The following TIPRL variants were observed in gnomAD, a reference collection of about 807,000 sequenced individuals.
The protein encoded by TIPRL is TOR signaling pathway regulator.
Under a neutral mutation model 32.3 loss-of-function variants are expected in TIPRL, and 10 were observed. That is an observed-to-expected ratio of 0.31 (90% CI 0.19 to 0.52). The LOEUF (loss-of-function observed/expected upper bound fraction) is 0.52. Among genes scored for constraint, TIPRL ranks in the 20% least tolerant of loss-of-function variants. The pLI is 0.96. For missense variants in TIPRL, 250 were observed against 328.1 expected (o/e 0.76, Z 1.84); for synonymous variants, 100 against 114.0 (o/e 0.88, Z 0.78).
At chr1:168,179,296 C>T (rs2102303088) in intron 1 of TIPRL, 115 bp downstream of exon 1, 1 of 799,358 alleles carries the variant, frequency 1.3e-6, no homozygotes, top group East Asian at 2.8e-5. Context: ...TTCGGTCCCT[C>T]CGGACCGGAC....
At chr1:168,190,538 C>T (rs760025288) in intron 3 of TIPRL, among the ~76,000 whole-genome samples, 3 of 152,274 alleles carry the variant, frequency 2.0e-5, no homozygotes, top group African/African-American at 2.4e-5. Flanking sequence ...CTAATCATGA[C>T]GCTTAAGTAA....
At position 168,201,300 on chromosome 1, in the gene TIPRL, T is replaced by C. The variant is rs1440865146; in HGVS notation, c.*1254T>C. On this transcript the variant is annotated 3_prime_UTR_variant, in exon 7 of 7. Coordinates refer to ENST00000367833, the MANE Select transcript of TIPRL (RefSeq NM_152902.5). ...TTGAAATATGTTGTACATATTTCCATTTGATGGATAAATCATTAAGTAAGA... is the reference window on the plus strand; with the variant it reads ...TTGAAATATGTTGTACATATTTCCACTTGATGGATAAATCATTAAGTAAGA... The C allele has an allele frequency of 2.0e-5, 3 of 152,220 alleles. No individual in the cohort carries two copies. In the East Asian group the frequency reaches 5.8e-4, roughly 29 times the overall value. 9.4% of individuals were successfully genotyped at this position (152,220 alleles called of 1,614,324 possible).
chr1:168,180,419 G>A (rs2102303761), intron 1 of TIPRL, among the ~76,000 whole-genome samples: 1 of 152,254 alleles, frequency 6.6e-6, no homozygotes, highest in East Asian at 1.9e-4. Flanking sequence ...GTGAAGATGT[G>A]TAGTAGGCAT....
At chr1:168,181,610 A>G (rs1401931250) in intron 1 of TIPRL, among the ~76,000 whole-genome samples, 3 of 151,306 alleles carry the variant, frequency 2.0e-5, no homozygotes, top group Non-Finnish European at 4.4e-5. Flanking sequence ...CCAACATAAT[A>G]CAATATATAA....
Position 168,184,890 on chromosome 1 carries a change from T to C in TIPRL, c.384+12T>C. ...CTCTTAAGTTAAAGGTAAATCTTAC[T>C]TTTTTCTTTCATGAGTCATTGATTG... On this transcript the variant is annotated intron_variant, in intron 3 of 6. Coordinates refer to ENST00000367833, the MANE Select transcript of TIPRL (RefSeq NM_152902.5). The C allele has an allele frequency of 1.9e-6, 3 of 1,548,502 alleles. No individual in the cohort carries two copies. Among genetic ancestry groups the C allele is most frequent in the South Asian group, 2.3e-5 (2 of 88,086 alleles).
chr1:168,191,646 C>A, intron 4 of TIPRL, 146 bp downstream of exon 4: 1 of 575,758 alleles, frequency 1.7e-6, no homozygotes, highest in Non-Finnish European at 2.6e-6. Context: ...CTGAGGCGGG[C>A]TGGATCGCCA....
Position 168,178,987 on chromosome 1 carries a change from G to A in TIPRL, c.-91G>A. Reference sequence around the variant, plus strand: ...ATGGTAACGGCTCGGAAGCCTAGGAGGCTGGGCCGGAGGGAGGCGGAGGAA... The same window carrying A: ...ATGGTAACGGCTCGGAAGCCTAGGAAGCTGGGCCGGAGGGAGGCGGAGGAA... On this transcript the variant is annotated 5_prime_UTR_variant, in exon 1 of 7. Transcript: ENST00000367833. The A allele has an allele frequency of 3.3e-6, 4 of 1,196,012 alleles. No homozygotes were observed. Among genetic ancestry groups the A allele is most frequent in the Admixed American group, 2.1e-5 (1 of 47,072 alleles). The allele number at this position is 1,196,012 out of a possible 1,614,324, so 74.1% of individuals were successfully genotyped here.
At chr1:168,184,749 A>C (rs1390170514) in intron 2 of TIPRL, 30 bp from the exon 3 acceptor site, 1 of 1,399,278 alleles carries the variant, frequency 7.1e-7, no homozygotes, top group African/African-American at 1.4e-5. Flanking sequence ...TGCATCACTG[A>C]ATCTGATCCT....
Position 168,178,995 on chromosome 1 carries a change from C to A in TIPRL, c.-83C>A. ...GGCTCGGAAGCCTAGGAGGCTGGGC[C>A]GGAGGGAGGCGGAGGAACCGGTGTT... On this transcript the variant is annotated 5_prime_UTR_variant, in exon 1 of 7. Coordinates refer to ENST00000367833, the MANE Select transcript of TIPRL (RefSeq NM_152902.5). 1 of 1,265,952 alleles carries A rather than the reference C, an allele frequency of 7.9e-7. No individual in the cohort carries two copies. Among genetic ancestry groups the A allele is most frequent in the Non-Finnish European group, 1.1e-6 (1 of 904,938 alleles). The allele number at this position is 1,265,952 out of a possible 1,614,324, so 78.4% of individuals were successfully genotyped here.
In TIPRL at chr1:168,200,864, G is replaced by A. The variant is rs899083162; in HGVS notation, c.*818G>A. Reference sequence around the variant, plus strand: ...GTGCTGGTTCGAAAAAGTCTAAAGGGTTTATTAGGGGTTGTTTTTCGCAAA... The same window carrying A: ...GTGCTGGTTCGAAAAAGTCTAAAGGATTTATTAGGGGTTGTTTTTCGCAAA... On this transcript the variant is annotated 3_prime_UTR_variant, in exon 7 of 7. Transcript: ENST00000367833. The A allele has an allele frequency of 5.3e-5, 8 of 152,072 alleles. No individual in the cohort carries two copies. Among genetic ancestry groups the A allele is most frequent in the African/African-American group, 1.9e-4 (8 of 41,424 alleles). The allele number at this position is 152,072 out of a possible 1,614,324, so 9.4% of individuals were successfully genotyped here. A position where few individuals can be genotyped will look rare whatever the true frequency, so the allele number is the denominator to read the frequency against.
chr1:168,198,967 A>C lies in TIPRL; in HGVS notation c.661A>C (p.Ile221Leu). Residue 221 changes from isoleucine to leucine, a missense_variant, in exon 6 of 7, where the codon ATT (isoleucine) becomes CTT (leucine). Coordinates refer to ENST00000367833, the MANE Select transcript of TIPRL (RefSeq NM_152902.5). ...AGAATATACGTCACGAGAAAGCAAA[A>C]TTTCTAGTTTGATGGCAAGTACTTA... is the stretch of plus-strand genomic sequence containing the variant. ...LREYTSRESK[I>L]SSLMHVPPSL... The C allele has an allele frequency of 1.2e-6, 2 of 1,611,732 alleles. No individual in the cohort carries two copies. Among genetic ancestry groups the C allele is most frequent in the Non-Finnish European group, 1.7e-6 (2 of 1,178,532 alleles).
chr1:168,185,938 G>A (rs1485944645), intron 3 of TIPRL, among the ~76,000 whole-genome samples: 2 of 150,770 alleles, frequency 1.3e-5, no homozygotes, highest in African/African-American at 2.4e-5. Flanking sequence ...AGCCAGGCAT[G>A]GTGGAGCATG....
intron 3 of TIPRL, among the ~76,000 whole-genome samples, chr1:168,185,293 C>G (rs1700013080): frequency 6.6e-6 from 1 of 152,088 alleles, no homozygotes; most frequent in South Asian, 2.1e-4. Flanking sequence ...CCTGTCTGCC[C>G]TGAGTATGAA....
At chr1:168,194,702 A>G (rs2102312339) in intron 4 of TIPRL, among the ~76,000 whole-genome samples, 1 of 152,318 alleles carries the variant, frequency 6.6e-6, no homozygotes, top group Admixed American at 6.5e-5. Flanking sequence ...TGTTGCTGAT[A>G]ACCCCATCAG....
chr1:168,186,126 C>T (rs902641003), intron 3 of TIPRL, among the ~76,000 whole-genome samples: 22 of 135,054 alleles, frequency 1.6e-4, no homozygotes, highest in Admixed American at 3.8e-4. Context: ...TGGTAAATAA[C>T]GCTAGGAAGA....
intron 1 of TIPRL, among the ~76,000 whole-genome samples, chr1:168,182,728 G>T (rs1476374926): frequency 6.6e-6 from 1 of 152,208 alleles, no homozygotes; most frequent in Non-Finnish European, 1.5e-5. Flanking sequence ...TATATGAGTG[G>T]AATATTTTAT....
intron 4 of TIPRL, among the ~76,000 whole-genome samples, chr1:168,195,876 CAT>C (rs1190860977): frequency 1.3e-5 from 2 of 152,082 alleles, no homozygotes; most frequent in Non-Finnish European, 2.9e-5. Flanking sequence ...GCCAGCTAAA[CAT>C]ATTCATTTTA....
At chr1:168,185,622 T>C (rs1281417122) in intron 3 of TIPRL, among the ~76,000 whole-genome samples, 1 of 146,508 alleles carries the variant, frequency 6.8e-6, no homozygotes, top group African/African-American at 2.6e-5. Context: ...AAAAAAAAAT[T>C]AGCTGGGTGT....
Position 168,179,190 on chromosome 1 carries a change from T to C in TIPRL, c.104+9T>C. 1 of 1,613,478 alleles carries C rather than the reference T, an allele frequency of 6.2e-7. No individual in the cohort carries two copies. The highest frequency in any genetic ancestry group is 8.5e-7 in the Non-Finnish European group (1 of 1,179,564). ...TCGGCGGATGTGGAGAAGTGAGGCT[T>C]CGGGGCACGGGGTCTGGGCGCTGGC... On this transcript the variant is annotated intron_variant, in intron 1 of 6. Coordinates refer to ENST00000367833, the MANE Select transcript of TIPRL (RefSeq NM_152902.5).
Sources: gnomAD v4.1 joint callset for allele counts (sites outside exome capture counted in the v4.1 genomes callset) on GRCh38, gnomAD v4.1.1 for gene constraint, MANE v1.5 for transcripts, NCBI Gene and HGNC (gene_info 2026-07-23, HGNC 2026-07-21) for gene names.